Variants in ABR observed in about 807,000 individuals in gnomAD.
ABR encodes the protein ABR activator of RhoGEF and GTPase.
Under a neutral mutation model 107.2 loss-of-function variants are expected in ABR, and 35 were observed. The observed-to-expected ratio is 0.33, with a 90% CI of 0.25 to 0.43. The LOEUF (loss-of-function observed/expected upper bound fraction) is 0.43, where lower values mean the gene tolerates loss of function less well. Among genes scored for constraint, ABR ranks in the 20% least tolerant of loss-of-function variants. The probability of loss-of-function intolerance (pLI) is 1.00; values close to 1 mark genes in which losing one functional copy is unlikely to be tolerated. For synonymous variants in ABR, 498 were observed against 462.0 expected (o/e 1.08, Z -1.00); for missense variants, 815 against 1,115.2 (o/e 0.73, Z 3.83).
At chr17:1,194,433 G>A (rs1294531226) in intron 1 of ABR, among the ~76,000 whole-genome samples, 1 of 150,776 alleles carries the variant, frequency 6.6e-6, no homozygotes, top group African/African-American at 2.4e-5. Context: ...CTGACCTCAG[G>A]TGATCTGCCT....
chr17:1,179,593 ATCC>A lies in ABR; in HGVS notation c.61+71_61+73del. The stretch of plus-strand genomic sequence containing the variant: ...TCCCGATCTTGGGGTCCCGATCCCG[ATCC>A]TGGGGTCCCGATCTCCATCCTGGGG... On this transcript the variant is annotated intron_variant, in intron 1 of 22. Coordinates refer to ENST00000302538, the MANE Select transcript of ABR (RefSeq NM_021962.5). The surrounding 1 kb of genome is among the most constrained non-coding windows in gnomAD (Gnocchi z 4.9). 7.2e-7 allele frequency: 1 copy of A among 1,384,242 alleles called. No individual in the cohort carries two copies. The highest frequency in any genetic ancestry group is 1.5e-5 in the African/African-American group (1 of 66,142). 85.7% of individuals were successfully genotyped at this position (1,384,242 alleles called of 1,614,324 possible). A position where few individuals can be genotyped will look rare whatever the true frequency, so the allele number is the denominator to read the frequency against.
chr17:1,010,940 A>G lies in ABR; in HGVS notation c.2102-77T>C. On this transcript the variant is annotated intron_variant, in intron 19 of 22. Transcript: ENST00000302538. This position sits in a 1 kb window ranked among gnomAD's most constrained non-coding sequence, Gnocchi z 4.1. ...TTCCACCCCCGACCCATCCTGACAC[A>G]GCCCCCACCCACTCCAGCTCTGGTT... 1 of 1,570,118 alleles carries G rather than the reference A, an allele frequency of 6.4e-7. No homozygotes were observed. The highest frequency in any genetic ancestry group is 1.7e-5 in the Admixed American group (1 of 59,380).
At chr17:1,049,258 C>T (rs1452667155) in intron 16 of ABR, among the ~76,000 whole-genome samples, 1 of 152,298 alleles carries the variant, frequency 6.6e-6, no homozygotes, top group East Asian at 1.9e-4. Context: ...ACCTCTACCT[C>T]CTGGGTTCAA....
In ABR at chr17:1,011,827, C is replaced by A; in HGVS notation, c.2101+19G>T. ...TCAGACACAGCCACACCTGCCCCGG[C>A]TGGGCCTCCCAGACTCACTGGCATC... On this transcript the variant is annotated intron_variant, in intron 19 of 22. Coordinates refer to ENST00000302538, the MANE Select transcript of ABR (RefSeq NM_021962.5). The surrounding 1 kb of genome is among the most constrained non-coding windows in gnomAD (Gnocchi z 4.8). 6.4e-7 allele frequency: 1 copy of A among 1,557,594 alleles called. No individual in the cohort carries two copies. The highest frequency in any genetic ancestry group is 1.2e-5 in the South Asian group (1 of 83,236).
At chr17:1,041,040 C>T (rs949627039) in intron 16 of ABR, among the ~76,000 whole-genome samples, 1 of 152,202 alleles carries the variant, frequency 6.6e-6, no homozygotes, top group African/African-American at 2.4e-5. Context: ...CTGCCTCAGC[C>T]TCCCGAGTAG....
chr17:1,139,867 G>A (rs982697968), intron 1 of ABR, among the ~76,000 whole-genome samples: 4 of 152,176 alleles, frequency 2.6e-5, no homozygotes, highest in African/African-American at 7.2e-5. Flanking sequence ...GTCACAGAGC[G>A]TGAGGAAGGA....
chr17:1,147,367 T>TG (rs1193045595), intron 1 of ABR, among the ~76,000 whole-genome samples: 7 of 150,288 alleles, frequency 4.7e-5, no homozygotes, highest in Non-Finnish European at 1.0e-4. Flanking sequence ...TTTGGTTGTT[T>TG]TTTTTTTTTT....
chr17:1,107,843 C>G (rs1273949391), intron 2 of ABR, among the ~76,000 whole-genome samples: 1 of 152,244 alleles, frequency 6.6e-6, no homozygotes, highest in Non-Finnish European at 1.5e-5. Flanking sequence ...CCTGCAGCCA[C>G]CGCTCCACCC....
intron 3 of ABR, among the ~76,000 whole-genome samples, chr17:1,094,992 C>G (rs545831834): frequency 2.6e-5 from 4 of 152,340 alleles, no homozygotes; most frequent in Middle Eastern, 3.4e-3. Flanking sequence ...GAACTAGCTT[C>G]AGGATTGACA....
At chr17:1,108,990 C>G (rs1295486714) in intron 2 of ABR, 1 of 1,598,410 alleles carries the variant, frequency 6.3e-7, no homozygotes, top group Non-Finnish European at 8.5e-7. Context: ...GTTCCCAGCT[C>G]GCACTCCTCC....
chr17:1,185,650 G>GAAATAAAATA (rs767149365), intron 1 of ABR, among the ~76,000 whole-genome samples: 2 of 15,660 alleles, frequency 1.3e-4, no homozygotes, highest in African/African-American at 7.4e-4. Context: ...GTCTCAGAAA[G>GAAATAAAATA]AAATAAAAAA....
At chr17:1,203,735 G>C (rs1431147398) in intron 1 of ABR, among the ~76,000 whole-genome samples, 1 of 151,972 alleles carries the variant, frequency 6.6e-6, no homozygotes, top group Non-Finnish European at 1.5e-5. Flanking sequence ...CAGGAAGGCG[G>C]ATGGCGCCCC....
intron 16 of ABR, chr17:1,031,582 C>T (rs1479858690): frequency 8.2e-7 from 1 of 1,225,610 alleles, no homozygotes; most frequent in Non-Finnish European, 1.0e-6. Flanking sequence ...CCGGAACCTC[C>T]AGCCCCCGCG....
intron 16 of ABR, among the ~76,000 whole-genome samples, chr17:1,046,194 C>A (rs980346711): frequency 2.8e-4 from 40 of 141,692 alleles, no homozygotes; most frequent in Non-Finnish European, 5.0e-4. Flanking sequence ...CTAGTAGAGA[C>A]GGGGTTTCGC....
At chr17:1,117,171 GT>G (rs766970698) in intron 2 of ABR, among the ~76,000 whole-genome samples, 1 of 73,890 alleles carries the variant, frequency 1.4e-5, no homozygotes. Context: ...CTGAGCCTGA[GT>G]TCCTCCCAGC....
chr17:1,058,284 T>C (rs1399594724), intron 11 of ABR, among the ~76,000 whole-genome samples: 2 of 151,870 alleles, frequency 1.3e-5, no homozygotes, highest in Non-Finnish European at 2.9e-5. Context: ...GGATTACAGG[T>C]GCCCACCACC....
At chr17:1,102,950 T>C (rs1370248481) in intron 2 of ABR, among the ~76,000 whole-genome samples, 1 of 152,142 alleles carries the variant, frequency 6.6e-6, no homozygotes, top group African/African-American at 2.4e-5. Flanking sequence ...CCTCAGGTGA[T>C]GCGCCCGCCT....
chr17:1,050,446 G>A lies in ABR; in HGVS notation c.1659+91C>T, dbSNP rs1284683090. ...CAGAAAGGGGGGTGCAGACATAGCT[G>A]GTCCAACCAATGGGCTGGCCGTCCC... On this transcript the variant is annotated intron_variant, in intron 15 of 22. Coordinates refer to ENST00000302538, the MANE Select transcript of ABR (RefSeq NM_021962.5). The surrounding 1 kb of genome is among the most constrained non-coding windows in gnomAD (Gnocchi z 4.6). 9 of 1,249,360 alleles carry A rather than the reference G, an allele frequency of 7.2e-6. No homozygotes were observed. The highest frequency in any genetic ancestry group is 1.1e-5 in the Non-Finnish European group (9 of 851,518). The allele number at this position is 1,249,360 out of a possible 1,614,324, so 77.4% of individuals were successfully genotyped here. A position where few individuals can be genotyped will look rare whatever the true frequency, so the allele number is the denominator to read the frequency against.
intron 12 of ABR, among the ~76,000 whole-genome samples, chr17:1,057,693 G>A: frequency 6.6e-6 from 1 of 151,924 alleles, no homozygotes; most frequent in East Asian, 1.9e-4. Flanking sequence ...GTCTCTGTGT[G>A]TGTGTGTGTG....
Sources: gnomAD v4.1 joint callset for allele counts (sites outside exome capture counted in the v4.1 genomes callset) on GRCh38, gnomAD v4.1.1 for gene constraint, Gnocchi (gnomAD v3.1) non-coding constraint, MANE v1.5 for transcripts, NCBI Gene and HGNC (gene_info 2026-07-23, HGNC 2026-07-21) for gene names.